Variants in NAV2 observed in about 807,000 individuals in gnomAD.
The protein encoded by NAV2 is neuron navigator 2.
A neutral mutation model predicts 223.2 loss-of-function variants in NAV2; 54 were observed. That is an observed-to-expected ratio of 0.24 (90% CI 0.19 to 0.30). The LOEUF is 0.30. Among genes scored for constraint, NAV2 ranks in the 10% least tolerant of loss-of-function variants. The probability of loss-of-function intolerance (pLI) is 1.00; values close to 1 mark genes in which losing one functional copy is unlikely to be tolerated. For missense variants in NAV2, 2,806 were observed against 3,147.5 expected (o/e 0.89, Z 2.60); for synonymous variants, 1,279 against 1,239.3 (o/e 1.03, Z -0.67).
At chr11:19,901,672 G>A (rs2042459503) in intron 6 of NAV2, among the ~76,000 whole-genome samples, 1 of 152,132 alleles carries the variant, frequency 6.6e-6, no homozygotes, top group African/African-American at 2.4e-5. Context: ...AATAAATGGG[G>A]AATCATTTAA....
chr11:19,754,935 G>C (rs1402800492), intron 1 of NAV2, among the ~76,000 whole-genome samples: 2 of 152,042 alleles, frequency 1.3e-5, no homozygotes, highest in East Asian at 3.9e-4. Flanking sequence ...TTCTCTCCTG[G>C]ATTCTTTCCT....
Position 20,100,885 on chromosome 11 carries a change from G to T in NAV2, c.6182-52G>T, listed in dbSNP as rs186078432. 198 of 1,521,370 alleles carry T rather than the reference G, an allele frequency of 1.3e-4. 2 individuals carry two copies. The East Asian group carries it at 3.8e-3, about 29-fold the overall frequency. The allele number at this position is 1,521,370 out of a possible 1,614,324, so 94.2% of individuals were successfully genotyped here. A position where few individuals can be genotyped will look rare whatever the true frequency, so the allele number is the denominator to read the frequency against. On this transcript the variant is annotated intron_variant, in intron 31 of 37. Transcript: ENST00000349880. Reference sequence around the variant, plus strand: ...GCAGTCCCAGTTAGGCAAGCACAGAGAGCTGCCTTTTCTACAGGGCTTCAG... The same window carrying T: ...GCAGTCCCAGTTAGGCAAGCACAGATAGCTGCCTTTTCTACAGGGCTTCAG...
chr11:19,890,043 T>A (rs2041366616), intron 5 of NAV2, among the ~76,000 whole-genome samples: 1 of 152,226 alleles, frequency 6.6e-6, no homozygotes, highest in South Asian at 2.1e-4. Context: ...TGAACCCGTG[T>A]TCACTGGAGA....
upstream of NAV2, among the ~76,000 whole-genome samples, chr11:19,349,911 T>G (rs1853208917): frequency 6.6e-6 from 1 of 152,118 alleles, no homozygotes; most frequent in Non-Finnish European, 1.5e-5. Flanking sequence ...CATAGGCAGT[T>G]GCTTTTCGGC....
At chr11:20,055,545 G>A (rs2058312704) in intron 18 of NAV2, among the ~76,000 whole-genome samples, 1 of 152,226 alleles carries the variant, frequency 6.6e-6, no homozygotes, top group Non-Finnish European at 1.5e-5. Context: ...TTGGAAAGCT[G>A]AGGCCCAGAG....
At chr11:19,554,407 G>A (rs2044797694) in intron 1 of NAV2, among the ~76,000 whole-genome samples, 1 of 152,132 alleles carries the variant, frequency 6.6e-6, no homozygotes, top group South Asian at 2.1e-4. Flanking sequence ...AGCAGGAAGT[G>A]TCTAACCCTC....
intron 1 of NAV2, among the ~76,000 whole-genome samples, chr11:19,420,313 A>C (rs1850556651): frequency 6.6e-6 from 1 of 152,222 alleles, no homozygotes; most frequent in Admixed American, 6.5e-5. Context: ...GAACAACTGA[A>C]AGTTGCACAC....
intron 1 of NAV2, among the ~76,000 whole-genome samples, chr11:19,646,420 G>A (rs959136278): frequency 6.6e-6 from 1 of 152,212 alleles, no homozygotes; most frequent in Non-Finnish European, 1.5e-5. Context: ...GGCAGAGAAA[G>A]TTTGGCAGGC....
chr11:19,509,095 T>C (rs1438395887), intron 1 of NAV2, among the ~76,000 whole-genome samples: 1 of 152,230 alleles, frequency 6.6e-6, no homozygotes, highest in Non-Finnish European at 1.5e-5. Flanking sequence ...ATGTGACAAA[T>C]GAGGAAACAG....
At chr11:20,090,799 G>A (rs2060789240) in intron 26 of NAV2, 66 bp from the exon 27 acceptor site, 1 of 1,527,920 alleles carries the variant, frequency 6.5e-7, no homozygotes, top group Non-Finnish European at 8.9e-7. Context: ...GATGATTGAT[G>A]TGGACCAGTG....
chr11:19,385,946 A>G lies in NAV2; in HGVS notation c.75+34919A>G, dbSNP rs996512884. ...CTGGCTAATTTTTTTGTATTTTTTT[A>G]GTAGAGACGGGGTTTCACCGTCTTA... On this transcript the variant is annotated intron_variant, in intron 1 of 37. Coordinates refer to the NAV2 transcript ENST00000360655. 1.3e-4 allele frequency among the ~76,000 whole-genome samples: 19 copies of G among 151,790 alleles called. 1 individual carries two copies. Among genetic ancestry groups the G allele is most frequent in the Middle Eastern group, 3.4e-3 (1 of 294 alleles).
At chr11:19,685,305 C>T (rs1338778806) in intron 1 of NAV2, among the ~76,000 whole-genome samples, 1 of 152,180 alleles carries the variant, frequency 6.6e-6, no homozygotes, top group Non-Finnish European at 1.5e-5. Flanking sequence ...ATGATATCAT[C>T]CATCAGTGGG....
rs184591812 is a variant in NAV2 at position 19,513,724 on chromosome 11, A to G, written c.75+162697A>G. 1.8e-4 allele frequency among the ~76,000 whole-genome samples: 27 copies of G among 152,368 alleles called. No individual in the cohort carries two copies. In the East Asian group the frequency reaches 4.1e-3, roughly 23 times the overall value. On this transcript the variant is annotated intron_variant, in intron 1 of 37. Coordinates refer to the NAV2 transcript ENST00000360655. ...TGTGACCTTATTTGGAAATAAAGTC[A>G]TCACAGATGTAATTAGTTAAAATGA... is the stretch of plus-strand genomic sequence containing the variant.
intron 2 of NAV2, among the ~76,000 whole-genome samples, chr11:19,834,364 T>C (rs2060118340): frequency 6.6e-6 from 1 of 152,192 alleles, no homozygotes; most frequent in African/African-American, 2.4e-5. Flanking sequence ...GGCAGTCTGC[T>C]TCTAAAGCTT....
rs1475843223 is a variant in NAV2 at position 19,553,468 on chromosome 11, C to T, written c.75+202441C>T. 2.0e-5 allele frequency among the ~76,000 whole-genome samples: 3 copies of T among 152,074 alleles called. No homozygotes were observed. The East Asian group carries it at 5.8e-4, about 29-fold the overall frequency. ...CCCTCTTGGGGATACCCACCCAGGC[C>T]TCAGAGCCTTCATCTGAGCACCAAT... is the stretch of plus-strand genomic sequence containing the variant. On this transcript the variant is annotated intron_variant, in intron 1 of 37. Transcript: ENST00000360655.
intron 1 of NAV2, among the ~76,000 whole-genome samples, chr11:19,638,790 C>T (rs986482666): frequency 5.3e-5 from 8 of 151,980 alleles, no homozygotes; most frequent in Non-Finnish European, 1.0e-4. Context: ...GTCAGGAGTT[C>T]GAGACCAGCC....
At chr11:19,969,862 C>T (rs1432897724) in intron 10 of NAV2, among the ~76,000 whole-genome samples, 7 of 151,534 alleles carry the variant, frequency 4.6e-5, no homozygotes, top group Non-Finnish European at 8.8e-5. Context: ...AGGAGAATGG[C>T]GTGAACCCGG....
chr11:19,479,854 A>C (rs1282691198), intron 1 of NAV2, among the ~76,000 whole-genome samples: 1 of 152,164 alleles, frequency 6.6e-6, no homozygotes, highest in Non-Finnish European at 1.5e-5. Context: ...GCATGTGCGC[A>C]CACACACTTC....
intron 1 of NAV2, among the ~76,000 whole-genome samples, chr11:19,625,526 A>G (rs1033984656): frequency 3.9e-5 from 6 of 152,170 alleles, no homozygotes; most frequent in African/African-American, 7.2e-5. Context: ...AGGTGCAGCT[A>G]TTTATTCAAT....
Sources: allele counts gnomAD v4.1 joint callset (sites outside exome capture counted in the v4.1 genomes callset), GRCh38; gene constraint gnomAD v4.1.1; transcripts MANE v1.5; gene names NCBI Gene and HGNC (gene_info 2026-07-23, HGNC 2026-07-21).